ZNF557: variants seen among roughly 807,000 people sequenced by gnomAD.
ZNF557 encodes CTB-25J19.9.
In ZNF557, 19 loss-of-function variants were observed where a neutral mutation model predicts 21.2. That is an observed-to-expected ratio of 0.90 (90% CI 0.63 to 1.32). The LOEUF (loss-of-function observed/expected upper bound fraction) is 1.32. Among genes scored for constraint, ZNF557 ranks in the 40% most tolerant of loss-of-function variants. The pLI, the probability that ZNF557 is intolerant of heterozygous loss-of-function variation, is 0.00. For missense variants in ZNF557, 487 were observed against 519.8 expected, an observed-to-expected ratio of 0.94 and a Z score of 0.61; for synonymous variants, 207 against 194.8, an observed-to-expected ratio of 1.06 and a Z score of -0.52.
Position 7,075,012 on chromosome 19 carries a change from C to T in ZNF557, c.-63C>T, listed in dbSNP as rs201412641. 5.8e-3 allele frequency: 9,283 copies of T among 1,612,838 alleles called. 51 individuals are homozygous for T. The highest frequency in any genetic ancestry group is 6.3e-3 in the Non-Finnish European group (7,454 of 1,179,536). ...TTCTTCCAGGGTGCTGTCCTGAGAG[C>T]GCTGCGGGATAAAGGAGGAGCGTCC... On this transcript the variant is annotated 5_prime_UTR_variant, in exon 3 of 8. Coordinates refer to ENST00000252840, the MANE Select transcript of ZNF557 (RefSeq NM_024341.3).
Position 7,083,520 on chromosome 19 carries a change from T to C in ZNF557, c.1069T>C (p.Phe357Leu). The stretch of plus-strand genomic sequence containing the variant: ...CACATGTAATGAGTGTGGGAAATCC[T>C]TTACCAATAGCTTTTCTCTTACAAT... ...PYTCNECGKS[F>L]TNSFSLTIHR... Residue 357 changes from phenylalanine to leucine, a missense_variant, in exon 8 of 8, where the codon TTT becomes CTT. Transcript: ENST00000252840. 1.2e-6 allele frequency: 2 copies of C among 1,614,198 alleles called. No homozygotes were observed. Among genetic ancestry groups the C allele is most frequent in the East Asian group, 2.2e-5 (1 of 44,888 alleles).
In ZNF557 at chr19:7,076,517, A is replaced by T. The variant is rs760466189; in HGVS notation, c.247+10A>T. The T allele has an allele frequency of 1.2e-6, 2 of 1,609,754 alleles. No individual in the cohort carries two copies. Among genetic ancestry groups the T allele is most frequent in the Non-Finnish European group, 1.7e-6 (2 of 1,178,020 alleles). ...AACCTGGCCTCACTGGGTAAGCCTAATGTCATTCCTGCATTTATTTAATGA... is the reference window on the plus strand; with the variant it reads ...AACCTGGCCTCACTGGGTAAGCCTATTGTCATTCCTGCATTTATTTAATGA... On this transcript the variant is annotated intron_variant, in intron 5 of 7. Transcript: ENST00000252840.
chr19:7,083,443 G>A lies in ZNF557; in HGVS notation c.992G>A (p.Arg331Lys). 1.2e-6 allele frequency: 2 copies of A among 1,614,152 alleles called. No homozygotes were observed. The highest frequency in any genetic ancestry group is 8.5e-7 in the Non-Finnish European group (1 of 1,180,014). Residue 331 changes from arginine (R) to lysine (K), a missense_variant, in exon 8 of 8, where the codon AGG becomes AAG. Transcript: ENST00000252840. ...CACGATTGTGGGAGAACCTTCAGGA[G>A]GAGGTCGAATCTGACACAGCACATA... ...ECHDCGRTFR[R>K]RSNLTQHIRT...
chr19:7,075,986 C>A (rs924740975), intron 4 of ZNF557, among the ~76,000 whole-genome samples: 1 of 152,018 alleles, frequency 6.6e-6, no homozygotes, highest in Non-Finnish European at 1.5e-5. Flanking sequence ...CAAGTAAAGA[C>A]GTGATGATGT....
Position 7,075,605 on chromosome 19 carries a change from G to A in ZNF557, c.32-50G>A, listed in dbSNP as rs111340026. 1.5e-5 allele frequency: 24 copies of A among 1,588,578 alleles called. 1 individual carries two copies. In the African/African-American group the frequency reaches 1.9e-4, roughly 12 times the overall value. Reference sequence around the variant, plus strand: ...GGTGGGGAAGCCTCCAGATGTGTGAGTGGACACAGGGCAGGTGTGGATTCC... The same window carrying A: ...GGTGGGGAAGCCTCCAGATGTGTGAATGGACACAGGGCAGGTGTGGATTCC... On this transcript the variant is annotated intron_variant, in intron 3 of 7. Coordinates refer to ENST00000252840, the MANE Select transcript of ZNF557 (RefSeq NM_024341.3).
chr19:7,084,382 A>C lies in ZNF557; in HGVS notation c.*638A>C. On this transcript the variant is annotated 3_prime_UTR_variant, in exon 8 of 8. Coordinates refer to ENST00000252840, the MANE Select transcript of ZNF557 (RefSeq NM_024341.3). ...TTTTTTTTTTTTAAGACAATGTCTC[A>C]CTCTGTCACCCAGTCTGGAGCGCAG... The C allele has an allele frequency of 6.6e-6, 1 of 151,906 alleles. No homozygotes were observed. Among genetic ancestry groups the C allele is most frequent in the Non-Finnish European group, 1.5e-5 (1 of 68,332 alleles). 9.4% of individuals were successfully genotyped at this position (151,906 alleles called of 1,614,324 possible). A position where few individuals can be genotyped will look rare whatever the true frequency, so the allele number is the denominator to read the frequency against.
chr19:7,081,507 C>T (rs1977705720), intron 6 of ZNF557, 52 bp downstream of exon 6: 1 of 1,247,590 alleles, frequency 8.0e-7, no homozygotes, highest in Admixed American at 1.8e-5. Flanking sequence ...TGGCCAGGGA[C>T]TGAGAAGTTG....
chr19:7,083,898 T>G lies in ZNF557; in HGVS notation c.*154T>G. The G allele has an allele frequency of 1.2e-6, 1 of 859,270 alleles. No individual in the cohort carries two copies. The allele number at this position is 859,270 out of a possible 1,614,324, so 53.2% of individuals were successfully genotyped here. A position where few individuals can be genotyped will look rare whatever the true frequency, so the allele number is the denominator to read the frequency against. On this transcript the variant is annotated 3_prime_UTR_variant, in exon 8 of 8. Coordinates refer to ENST00000252840, the MANE Select transcript of ZNF557 (RefSeq NM_024341.3). ...ACAAAAACACTTGTTATCTCAAAAT[T>G]TTTGTAGGTCAGGAATTCAGAAACA...
rs1977741364 is a variant in ZNF557 at position 7,082,876 on chromosome 19, A to C, written c.427-2A>C. 1 of 1,561,296 alleles carries C rather than the reference A, an allele frequency of 6.4e-7. No individual in the cohort carries two copies. The highest frequency in any genetic ancestry group is 8.7e-7 in the Non-Finnish European group (1 of 1,155,166). On this transcript the variant is annotated splice_acceptor_variant, in intron 7 of 7. Transcript: ENST00000252840. LOFTEE classifies it high-confidence loss of function. ...TACTTATTGTCATCTCTTAATCAAT[A>C]GGAGAGGAATCATCTTGGAGCAACA...
chr19:7,076,644 C>T (rs1412325375), intron 5 of ZNF557, 137 bp downstream of exon 5: 9 of 1,300,818 alleles, frequency 6.9e-6, no homozygotes, highest in South Asian at 6.2e-5. Flanking sequence ...GGTGGCTTTT[C>T]GTAGGTTCAC....
Position 7,076,417 on chromosome 19 carries a change from A to G in ZNF557, c.157A>G (p.Thr53Ala), listed in dbSNP as rs755725290. The change falls in exon 5 of 8, where the codon ACC (threonine) becomes GCC (alanine). Residue 53 changes from threonine (T) to alanine (A), a missense_variant. Thr to Ala is a moderately conservative substitution (Grantham distance 58). Transcript: ENST00000252840. Reference protein sequence around the residue: ...VTFEDVAVEFTQEEWALLDPA... With the variant: ...VTFEDVAVEFAQEEWALLDPA... ...CTTTGAGGATGTGGCCGTGGAGTTC[A>G]CCCAGGAGGAGTGGGCATTGCTGGA... The G allele has an allele frequency of 1.9e-6, 3 of 1,614,132 alleles. No homozygotes were observed. Among genetic ancestry groups the G allele is most frequent in the Admixed American group, 1.7e-5 (1 of 60,008 alleles).
rs1223796690 is a variant in ZNF557, at chr19:7,069,708, G to A, written c.-237G>A. The A allele has an allele frequency of 6.6e-6, 1 of 152,298 alleles. No individual in the cohort carries two copies. The allele number at this position is 152,298 out of a possible 1,614,324, so 9.4% of individuals were successfully genotyped here. On this transcript the variant is annotated 5_prime_UTR_variant, in exon 1 of 8. It adds an upstream start codon to the 5' untranslated region. Coordinates refer to ENST00000252840, the MANE Select transcript of ZNF557 (RefSeq NM_024341.3). ...GGAAGCGGAAGCGCGCTTGTGTCTT[G>A]TGAGAAGAGCCGCGCTTGCAGCGTC...
Position 7,081,998 on chromosome 19 carries a change from G to T in ZNF557, c.372G>T (p.Gly124=). Residue 124 remains glycine, a synonymous_variant, in exon 7 of 8, where the codon GGG becomes GGT. Coordinates refer to ENST00000252840, the MANE Select transcript of ZNF557 (RefSeq NM_024341.3). The part of the protein sequence containing the change: ...PDVENPFKAK[G]LTPKLHVFRK... ...TGGAGAATCCATTTAAAGCCAAAGG[G>T]TTAACTCCTAAGCTGCATGTTTTTC... The T allele has an allele frequency of 1.2e-6, 2 of 1,613,834 alleles. No individual in the cohort carries two copies. Among genetic ancestry groups the T allele is most frequent in the Non-Finnish European group, 1.7e-6 (2 of 1,179,840 alleles).
At chr19:7,070,416 T>C (rs1026495055) in intron 1 of ZNF557, 146 bp from the exon 2 acceptor site, 1 of 152,204 alleles carries the variant, frequency 6.6e-6, no homozygotes, top group African/African-American at 2.4e-5. Context: ...CCTGGGTTCT[T>C]ATTCTTTAAA....
intron 2 of ZNF557, among the ~76,000 whole-genome samples, chr19:7,074,456 T>C (rs1226854289): frequency 1.3e-5 from 2 of 151,810 alleles, no homozygotes; most frequent in Non-Finnish European, 2.9e-5. Flanking sequence ...TCTATTGATA[T>C]CTAGAGATCT....
In ZNF557 at chr19:7,075,806, C is replaced by T. The variant is rs985625995; in HGVS notation, c.120+63C>T. 4 of 1,585,712 alleles carry T rather than the reference C, an allele frequency of 2.5e-6. No homozygotes were observed. The Admixed American group carries it at 5.1e-5, about 20-fold the overall frequency. On this transcript the variant is annotated intron_variant, in intron 4 of 7. Coordinates refer to ENST00000252840, the MANE Select transcript of ZNF557 (RefSeq NM_024341.3). ...TCAGCCAGAAGGTTGGACTTGATGCCTTTCAGTGGCCTGGAGCCCCACGGC... is the reference window on the plus strand; with the variant it reads ...TCAGCCAGAAGGTTGGACTTGATGCTTTTCAGTGGCCTGGAGCCCCACGGC...
At position 7,086,314 on chromosome 19, in the gene ZNF557, TGG is replaced by T. The variant is rs1977843196; in HGVS notation, c.*2571_*2572del. ...CCAGAGTACATGGACTTTGTGATTTTGGTTGTTTTCTCTTTGTGTCCTAATAT... is the reference window on the plus strand; with the variant it reads ...CCAGAGTACATGGACTTTGTGATTTTTTGTTTTCTCTTTGTGTCCTAATAT... On this transcript the variant is annotated 3_prime_UTR_variant, in exon 8 of 8. Coordinates refer to ENST00000252840, the MANE Select transcript of ZNF557 (RefSeq NM_024341.3). The T allele has an allele frequency of 6.6e-6, 1 of 151,246 alleles. No homozygotes were observed. The allele number at this position is 151,246 out of a possible 1,614,324, so 9.4% of individuals were successfully genotyped here. A position where few individuals can be genotyped will look rare whatever the true frequency, so the allele number is the denominator to read the frequency against.
chr19:7,081,334 A>T (rs1444539508), intron 5 of ZNF557, 26 bp from the exon 6 acceptor site: 1 of 1,531,962 alleles, frequency 6.5e-7, no homozygotes, highest in Admixed American at 1.7e-5. Context: ...GTCCCCCTAC[A>T]TCATGTGTCT....
In ZNF557 at chr19:7,076,504, C is replaced by A. The variant is rs774485637; in HGVS notation, c.244C>A (p.Leu82Met). ...GGAGAACTGCAGGAACCTGGCCTCA[C>A]TGGGTAAGCCTAATGTCATTCCTGC... ...MLENCRNLAS[L>M]GNQVDKPRLI... is the part of the protein sequence containing the mutation. The change falls in exon 5 of 8, where the codon CTG (leucine) becomes ATG (methionine). Residue 82 changes from leucine (L) to methionine (M), a missense_variant. By Grantham distance (15) the Leu-to-Met change is conservative. Coordinates refer to ENST00000252840, the MANE Select transcript of ZNF557 (RefSeq NM_024341.3). The A allele has an allele frequency of 8.7e-6, 14 of 1,613,818 alleles. No homozygotes were observed. The highest frequency in any genetic ancestry group is 3.3e-4 in the Middle Eastern group (2 of 6,060).
Sources: gnomAD v4.1 joint callset for allele counts (sites outside exome capture counted in the v4.1 genomes callset) on GRCh38, gnomAD v4.1.1 for gene constraint, MANE v1.5 for transcripts, NCBI Gene and HGNC (gene_info 2026-07-23, HGNC 2026-07-21) for gene names.